CDH12: variants seen among roughly 807,000 people sequenced by gnomAD.
The protein encoded by CDH12 is cadherin-12.
In CDH12, 41 loss-of-function variants were observed where a neutral mutation model predicts 74.1. That is an observed-to-expected ratio of 0.55 (90% CI 0.43 to 0.72). The LOEUF is 0.72. Ranked by LOEUF, CDH12 falls within the 30% of genes least tolerant of loss-of-function variation. The pLI is 0.00. For synonymous variants in CDH12, 399 were observed against 355.0 expected, an observed-to-expected ratio of 1.12 and a Z score of -1.39; for missense variants, 945 against 977.2, an observed-to-expected ratio of 0.97 and a Z score of 0.44.
At chr5:22,738,333 C>T (rs1744848966) in intron 1 of CDH12, among the ~76,000 whole-genome samples, 1 of 152,124 alleles carries the variant, frequency 6.6e-6, no homozygotes, top group Non-Finnish European at 1.5e-5. Flanking sequence ...TGGTCAGAGA[C>T]ACATGCTTTA....
chr5:22,364,913 G>T (rs549805297), intron 3 of CDH12, among the ~76,000 whole-genome samples: 23 of 152,230 alleles, frequency 1.5e-4, no homozygotes, highest in African/African-American at 5.3e-4. Flanking sequence ...TGTTGACACT[G>T]ACATAAATGT....
At chr5:22,638,806 T>G (rs1738972539) in intron 1 of CDH12, 1 of 152,146 alleles carries the variant, frequency 6.6e-6, no homozygotes, top group Non-Finnish European at 1.5e-5. Context: ...ATCCCAGCAC[T>G]TCGGGAGGCC....
At chr5:21,930,574 G>C (rs1754788981) in intron 6 of CDH12, among the ~76,000 whole-genome samples, 1 of 152,078 alleles carries the variant, frequency 6.6e-6, no homozygotes, top group South Asian at 2.1e-4. Flanking sequence ...TTAGCGCACT[G>C]TCTGACTCTT....
chr5:22,818,883 C>A (rs962918004), intron 1 of CDH12, among the ~76,000 whole-genome samples: 1 of 151,990 alleles, frequency 6.6e-6, no homozygotes, highest in Non-Finnish European at 1.5e-5. Flanking sequence ...ACTCTGTCAA[C>A]TGGATGTAAA....
At chr5:21,874,701 G>A (rs905894023) in intron 6 of CDH12, among the ~76,000 whole-genome samples, 4 of 152,128 alleles carry the variant, frequency 2.6e-5, no homozygotes, top group Non-Finnish European at 4.4e-5. Flanking sequence ...CACCACTGCT[G>A]TTCACAGCTG....
At chr5:22,091,761 A>C (rs1743447053) in intron 4 of CDH12, among the ~76,000 whole-genome samples, 1 of 152,000 alleles carries the variant, frequency 6.6e-6, no homozygotes, top group African/African-American at 2.4e-5. Flanking sequence ...TCTTATACAA[A>C]AAAGTAAATA....
chr5:22,751,907 A>G (rs1027687652), intron 1 of CDH12, among the ~76,000 whole-genome samples: 1 of 152,180 alleles, frequency 6.6e-6, no homozygotes, highest in Non-Finnish European at 1.5e-5. Flanking sequence ...TGCTACATAA[A>G]CATCTATTTC....
intron 1 of CDH12, among the ~76,000 whole-genome samples, chr5:22,639,264 T>C (rs1561544993): frequency 6.6e-6 from 1 of 151,746 alleles, no homozygotes; most frequent in South Asian, 2.1e-4. Flanking sequence ...TCCAGAATCA[T>C]GGCACGGAGC....
intron 6 of CDH12, among the ~76,000 whole-genome samples, chr5:21,904,167 C>A (rs538169867): frequency 6.6e-6 from 1 of 152,076 alleles, no homozygotes; most frequent in African/African-American, 2.4e-5. Context: ...CATTTTTCCC[C>A]GTGTAAAAAT....
chr5:22,000,712 C>G (rs926236621), intron 5 of CDH12, among the ~76,000 whole-genome samples: 1 of 152,106 alleles, frequency 6.6e-6, no homozygotes, highest in Non-Finnish European at 1.5e-5. Flanking sequence ...TTATTACATT[C>G]TGTCTTCAAG....
intron 1 of CDH12, among the ~76,000 whole-genome samples, chr5:22,561,889 C>G (rs1739065574): frequency 6.6e-6 from 1 of 152,114 alleles, no homozygotes; most frequent in Non-Finnish European, 1.5e-5. Context: ...TATTAAGTAT[C>G]TATTAAATAG....
chr5:22,518,349 TTG>T (rs1736894448), intron 1 of CDH12, among the ~76,000 whole-genome samples: 1 of 152,194 alleles, frequency 6.6e-6, no homozygotes, highest in Non-Finnish European at 1.5e-5. Context: ...TTGGAGCCTG[TTG>T]TATTGAATAA....
intron 1 of CDH12, among the ~76,000 whole-genome samples, chr5:22,823,834 T>C (rs145932377): frequency 3.0e-4 from 46 of 152,312 alleles, no homozygotes; most frequent in African/African-American, 1.1e-3. Context: ...GCCATGATTG[T>C]AAGTTTTCTG....
rs879406240 is a variant in CDH12, at chr5:21,751,622, G to GTGTGTGTT, written c.*114_*115insAACACACA. 0.026 allele frequency: 14,200 copies of GTGTGTGTT among 554,896 alleles called. 33 individuals are homozygous for GTGTGTGTT. Among genetic ancestry groups the GTGTGTGTT allele is most frequent in the Non-Finnish European group, 0.032 (10,121 of 317,128 alleles). 34.4% of individuals were successfully genotyped at this position (554,896 alleles called of 1,614,324 possible). A position where few individuals can be genotyped will look rare whatever the true frequency, so the allele number is the denominator to read the frequency against. On this transcript the variant is annotated 3_prime_UTR_variant, in exon 15 of 15. Coordinates refer to ENST00000382254, the MANE Select transcript of CDH12 (RefSeq NM_004061.5). The stretch of plus-strand genomic sequence containing the variant: ...ATCTTGTCCCAGAGTGTGTGTGTGT[G>GTGTGTGTT]TGTGTGTGTTTGTGTGTGTGTGTGT...
intron 6 of CDH12, among the ~76,000 whole-genome samples, chr5:21,927,442 G>C (rs2150077552): frequency 6.7e-6 from 1 of 148,876 alleles, no homozygotes; most frequent in South Asian, 2.1e-4. Context: ...AAAAAAATTA[G>C]CTGAGTATGA....
chr5:22,716,932 G>C (rs1278322865), intron 1 of CDH12, among the ~76,000 whole-genome samples: 1 of 152,052 alleles, frequency 6.6e-6, no homozygotes, highest in East Asian at 1.9e-4. Context: ...AGGATATAAA[G>C]GATATCATAT....
intron 5 of CDH12, among the ~76,000 whole-genome samples, chr5:22,033,100 A>C (rs1738937915): frequency 6.6e-6 from 1 of 151,974 alleles, no homozygotes. Flanking sequence ...TTCAATGACA[A>C]AAGAGCTATA....
At chr5:21,784,870 A>G (rs1167926974) in intron 10 of CDH12, among the ~76,000 whole-genome samples, 2 of 152,166 alleles carry the variant, frequency 1.3e-5, no homozygotes, top group Admixed American at 6.5e-5. Flanking sequence ...TCTGAAATAT[A>G]TCATTCCACA....
At chr5:22,033,410 C>T (rs964332639) in intron 5 of CDH12, among the ~76,000 whole-genome samples, 4 of 152,126 alleles carry the variant, frequency 2.6e-5, no homozygotes, top group Admixed American at 1.3e-4. Flanking sequence ...GACTTAAAAT[C>T]GTTATCCAAA....
Sources: gnomAD v4.1 joint callset for allele counts (sites outside exome capture counted in the v4.1 genomes callset) on GRCh38, gnomAD v4.1.1 for gene constraint, MANE v1.5 for transcripts, NCBI Gene and HGNC (gene_info 2026-07-23, HGNC 2026-07-21) for gene names.